Variants in ARFGEF2 observed in about 807,000 individuals in gnomAD.
ARFGEF2 encodes ARF guanine nucleotide exchange factor 2.
Under a neutral mutation model 219.9 loss-of-function variants are expected in ARFGEF2, and 74 were observed. That is an observed-to-expected ratio of 0.34 (90% CI 0.28 to 0.41). The LOEUF (loss-of-function observed/expected upper bound fraction) is 0.41, where lower values mean the gene tolerates loss of function less well. Among genes scored for constraint, ARFGEF2 ranks in the 10% least tolerant of loss-of-function variants. The pLI is 1.00. For missense variants in ARFGEF2, 1,743 were observed against 2,218.3 expected, an observed-to-expected ratio of 0.79 and a Z score of 4.30; for synonymous variants, 733 against 799.2, an observed-to-expected ratio of 0.92 and a Z score of 1.40.
At chr20:48,976,292 T>TG in intron 14 of ARFGEF2, 93 bp downstream of exon 14, 1 of 1,500,352 alleles carries the variant, frequency 6.7e-7, no homozygotes, top group Non-Finnish European at 9.1e-7. Context: ...AAATGCCTGT[T>TG]TACAAAAGGC....
intron 1 of ARFGEF2, among the ~76,000 whole-genome samples, chr20:48,931,526 T>A (rs574028847): frequency 6.6e-6 from 1 of 152,016 alleles, no homozygotes; most frequent in Admixed American, 6.5e-5. Context: ...ACTAAAAAAA[T>A]GAATTAGTAA....
intron 23 of ARFGEF2, among the ~76,000 whole-genome samples, chr20:48,997,424 C>T (rs2123479916): frequency 6.6e-6 from 1 of 152,272 alleles, no homozygotes; most frequent in South Asian, 2.1e-4. Context: ...AGGCATGCAC[C>T]ACCATGCCTG....
At chr20:48,998,704 T>G (rs1352046066) in intron 25 of ARFGEF2, among the ~76,000 whole-genome samples, 199 bp downstream of exon 25, 1 of 152,166 alleles carries the variant, frequency 6.6e-6, no homozygotes, top group East Asian at 1.9e-4. Flanking sequence ...GAATTAAAAA[T>G]CCAGTGGTAT....
chr20:48,985,485 C>T lies in ARFGEF2; in HGVS notation c.2148C>T (p.Asp716=). The T allele has an allele frequency of 3.1e-6, 5 of 1,614,208 alleles. No homozygotes were observed. Among genetic ancestry groups the T allele is most frequent in the Non-Finnish European group, 4.2e-6 (5 of 1,180,036 alleles). Residue 716 remains aspartate (D), a synonymous_variant, in exon 16 of 39, where the codon GAC becomes GAT. Coordinates refer to ENST00000371917, the MANE Select transcript of ARFGEF2 (RefSeq NM_006420.3). ...TGTATGCCTACGTGGACCAACTTGA[C>T]TTCTGTGAAAAAGAATTTGTCTCAG... ...EVMYAYVDQL[D]FCEKEFVSAL...
At chr20:49,023,310 T>G in intron 35 of ARFGEF2, 129 bp downstream of exon 35, 1 of 1,259,520 alleles carries the variant, frequency 7.9e-7, no homozygotes, top group Non-Finnish European at 1.1e-6. Context: ...CAACCTCACA[T>G]TCAGTGATGG....
At chr20:48,947,298 G>A (rs58722268) in intron 3 of ARFGEF2, among the ~76,000 whole-genome samples, 1 of 152,122 alleles carries the variant, frequency 6.6e-6, no homozygotes, top group Middle Eastern at 3.2e-3. Flanking sequence ...TACTTGGGAG[G>A]CTGAGGCAGG....
chr20:49,002,167 G>A (rs1297332033), intron 25 of ARFGEF2, among the ~76,000 whole-genome samples: 1 of 152,206 alleles, frequency 6.6e-6, no homozygotes. Flanking sequence ...GAACCCGGGG[G>A]GTGGAGGTTG....
In ARFGEF2 at chr20:48,972,433, C is replaced by T; in HGVS notation, c.1525+8C>T. The T allele has an allele frequency of 3.8e-6, 6 of 1,597,676 alleles. No homozygotes were observed. The highest frequency in any genetic ancestry group is 5.1e-6 in the Non-Finnish European group (6 of 1,165,136). Reference sequence around the variant, plus strand: ...TGACGAGGATCTGTGCAGGTATTTCCACCTGGGGACACTCATCCACTGGAC... The same window carrying T: ...TGACGAGGATCTGTGCAGGTATTTCTACCTGGGGACACTCATCCACTGGAC... On this transcript the variant is annotated splice_region_variant and intron_variant, in intron 11 of 38. Transcript: ENST00000371917.
intron 1 of ARFGEF2, among the ~76,000 whole-genome samples, chr20:48,926,648 G>C (rs2090878765): frequency 6.6e-6 from 1 of 151,976 alleles, no homozygotes; most frequent in African/African-American, 2.4e-5. Flanking sequence ...AGTAGAGACG[G>C]GGTTTTTCTG....
intron 1 of ARFGEF2, among the ~76,000 whole-genome samples, chr20:48,938,976 G>T (rs2869690): frequency 0.31 from 43,599 of 140,616 alleles, 6,951 homozygotes; most frequent in East Asian, 0.46. Flanking sequence ...GGTTTTTTTT[G>T]TTTGTTTTTT....
intron 6 of ARFGEF2, among the ~76,000 whole-genome samples, chr20:48,954,397 C>T (rs969988602): frequency 6.6e-6 from 1 of 152,208 alleles, no homozygotes; most frequent in African/African-American, 2.4e-5. Context: ...TAAGATGATA[C>T]TTCTGACTGT....
intron 37 of ARFGEF2, among the ~76,000 whole-genome samples, chr20:49,030,178 G>C (rs1809079667): frequency 6.6e-6 from 1 of 152,034 alleles, no homozygotes; most frequent in Non-Finnish European, 1.5e-5. Context: ...AAAGTGCAGG[G>C]ATGGGCGTGA....
At chr20:48,938,627 T>G (rs753940571) in intron 1 of ARFGEF2, among the ~76,000 whole-genome samples, 2 of 152,254 alleles carry the variant, frequency 1.3e-5, no homozygotes, top group Non-Finnish European at 1.5e-5. Context: ...ATGTTAACTG[T>G]AGTCATCCTA....
At chr20:49,025,536 A>G (rs768652648) in intron 36 of ARFGEF2, 55 bp downstream of exon 36, 33 of 1,605,342 alleles carry the variant, frequency 2.1e-5, no homozygotes, top group Non-Finnish European at 2.7e-5. Flanking sequence ...TTCCTAAAAC[A>G]TTAAAGTGCT....
At chr20:48,927,402 A>C (rs2090884600) in intron 1 of ARFGEF2, among the ~76,000 whole-genome samples, 1 of 152,236 alleles carries the variant, frequency 6.6e-6, no homozygotes, top group Non-Finnish European at 1.5e-5. Context: ...AAATTGATGT[A>C]ACGTGGCGGG....
intron 18 of ARFGEF2, 41 bp from the exon 19 acceptor site, chr20:48,989,244 C>T: frequency 6.2e-7 from 1 of 1,612,858 alleles, no homozygotes; most frequent in Non-Finnish European, 8.5e-7. Context: ...AGCCAGCCCT[C>T]AGTGACTGCT....
rs185677192 is a variant in ARFGEF2 at position 49,017,877 on chromosome 20, T to C, written c.4509+327T>C. ...ATTTTTCCATATTTTAAACGGTTCTTTGAGAGCAGTCTTTTCAGTGGCTGC... is the reference window on the plus strand; with the variant it reads ...ATTTTTCCATATTTTAAACGGTTCTCTGAGAGCAGTCTTTTCAGTGGCTGC... On this transcript the variant is annotated intron_variant, in intron 33 of 38. Coordinates refer to ENST00000371917, the MANE Select transcript of ARFGEF2 (RefSeq NM_006420.3). 2.1e-3 allele frequency among the ~76,000 whole-genome samples: 324 copies of C among 152,310 alleles called. 2 individuals carry two copies. Among genetic ancestry groups the C allele is most frequent in the Non-Finnish European group, 2.6e-3 (179 of 68,032 alleles).
intron 34 of ARFGEF2, 120 bp from the exon 35 acceptor site, chr20:49,022,931 G>A (rs138632522): frequency 1.3e-5 from 17 of 1,355,012 alleles, no homozygotes; most frequent in Middle Eastern, 1.9e-4. Context: ...CCTGGAGAAC[G>A]TAGTGAGACC....
chr20:48,999,412 T>C (rs976967800), intron 25 of ARFGEF2, among the ~76,000 whole-genome samples: 2 of 152,106 alleles, frequency 1.3e-5, no homozygotes, highest in East Asian at 3.9e-4. Flanking sequence ...ATGTCAGATA[T>C]GTGTTTTATC....
Sources: gnomAD v4.1 joint callset for allele counts (sites outside exome capture counted in the v4.1 genomes callset) on GRCh38, gnomAD v4.1.1 for gene constraint, MANE v1.5 for transcripts, NCBI Gene and HGNC (gene_info 2026-07-23, HGNC 2026-07-21) for gene names.